GRIN2A: variants seen among roughly 807,000 people sequenced by gnomAD.
GRIN2A encodes the protein glutamate receptor ionotropic, NMDA 2A.
Under a neutral mutation model 113.4 loss-of-function variants are expected in GRIN2A, and 22 were observed. That is an observed-to-expected ratio of 0.19 (90% CI 0.14 to 0.28). The LOEUF (loss-of-function observed/expected upper bound fraction) is 0.28, where lower values mean the gene tolerates loss of function less well. GRIN2A is among the 10% of genes least tolerant of loss of function. GRIN2A has a pLI of 1.00. For missense variants in GRIN2A, 1,502 were observed against 1,887.0 expected (o/e 0.80, Z 3.78); for synonymous variants, 827 against 738.4 (o/e 1.12, Z -1.94).
At chr16:10,001,917 C>G (rs2141844563) in intron 2 of GRIN2A, among the ~76,000 whole-genome samples, 1 of 152,236 alleles carries the variant, frequency 6.6e-6, no homozygotes, top group Non-Finnish European at 1.5e-5. Context: ...ATTGATAAAC[C>G]AGGATAACAC....
intron 5 of GRIN2A, 97 bp from the exon 6 acceptor site, chr16:9,841,201 C>G: frequency 9.2e-7 from 1 of 1,090,758 alleles, no homozygotes; most frequent in Non-Finnish European, 1.4e-6. Context: ...GATGAGTAAA[C>G]TGAAGTTTAA....
At chr16:9,770,882 C>T (rs910680374) in intron 11 of GRIN2A, among the ~76,000 whole-genome samples, 9 of 152,152 alleles carry the variant, frequency 5.9e-5, no homozygotes, top group African/African-American at 1.9e-4. Context: ...TCGGTTTTCC[C>T]TGTTAACATC....
At chr16:10,104,610 G>A (rs565518163) in intron 2 of GRIN2A, among the ~76,000 whole-genome samples, 82 of 152,308 alleles carry the variant, frequency 5.4e-4, no homozygotes, top group South Asian at 2.3e-3. Context: ...TTCTCTATGT[G>A]TATTTTTATT....
chr16:9,861,804 C>A (rs945526126), intron 4 of GRIN2A, among the ~76,000 whole-genome samples: 1 of 152,224 alleles, frequency 6.6e-6, no homozygotes, highest in African/African-American at 2.4e-5. Flanking sequence ...CCTGCTCTGT[C>A]TTCACTGCCA....
Position 9,768,299 on chromosome 16 carries a change from G to A in GRIN2A, c.2595+552C>T, listed in dbSNP as rs530719502. On this transcript the variant is annotated intron_variant, in intron 12 of 12. Transcript: ENST00000330684. ...GATCTCCTGACCTCGTGATCCGCCCGCCTGGGCCTCCCAAAGTGCTGGGAT... is the reference window on the plus strand; with the variant it reads ...GATCTCCTGACCTCGTGATCCGCCCACCTGGGCCTCCCAAAGTGCTGGGAT... Among the ~76,000 whole-genome samples, 8 of 152,242 alleles carry A rather than the reference G, an allele frequency of 5.3e-5. No homozygotes were observed. In the East Asian group the frequency reaches 9.7e-4, roughly 18 times the overall value.
Position 9,763,419 on chromosome 16 carries a change from T to C in GRIN2A, c.4125A>G (p.Gln1375=), listed in dbSNP as rs1328526628. The change falls in exon 13 of 13, where the codon CAA becomes CAG. Residue 1375 remains glutamine (Q), a synonymous_variant. Transcript: ENST00000330684. The part of the protein sequence containing the change: ...NPFLHSHRDD[Q]RLVIGRCPSD... Reference sequence around the variant, plus strand: ...AGGGGCATCTCCCAATAACCAAGCGTTGGTCATCCCTGTGGGAGTGGAGGA... The same window carrying C: ...AGGGGCATCTCCCAATAACCAAGCGCTGGTCATCCCTGTGGGAGTGGAGGA... 1.9e-6 allele frequency: 3 copies of C among 1,614,090 alleles called. No individual in the cohort carries two copies. The highest frequency in any genetic ancestry group is 2.5e-6 in the Non-Finnish European group (3 of 1,180,006).
At chr16:9,913,639 G>C (rs374333391) in intron 3 of GRIN2A, among the ~76,000 whole-genome samples, 2 of 152,192 alleles carry the variant, frequency 1.3e-5, no homozygotes, top group South Asian at 2.1e-4. Flanking sequence ...TCAATTGAGA[G>C]AGTGTTTGCA....
intron 2 of GRIN2A, among the ~76,000 whole-genome samples, chr16:9,954,601 A>C (rs987750647): frequency 1.3e-5 from 2 of 152,132 alleles, no homozygotes; most frequent in Non-Finnish European, 2.9e-5. Context: ...AAGCTCACAC[A>C]AGATGGTGAT....
chr16:10,173,217 T>C lies in GRIN2A; in HGVS notation c.414+6781A>G, dbSNP rs369744607. Reference sequence around the variant, plus strand: ...ACTCTCCCAGGAACTACCTGATGCCTCTTTAGCAGGAGCTGAGTGGGCTCC... The same window carrying C: ...ACTCTCCCAGGAACTACCTGATGCCCCTTTAGCAGGAGCTGAGTGGGCTCC... On this transcript the variant is annotated intron_variant, in intron 2 of 12. Transcript: ENST00000330684. Among the ~76,000 whole-genome samples, 116 of 152,346 alleles carry C rather than the reference T, an allele frequency of 7.6e-4. 3 individuals are homozygous for C. The South Asian group carries it at 0.016, about 21-fold the overall frequency.
At position 9,757,520 on chromosome 16, in the gene GRIN2A, A is replaced by G. The variant is rs1900400579; in HGVS notation, c.*5629T>C. 2 of 229,052 alleles carry G rather than the reference A, an allele frequency of 8.7e-6. No individual in the cohort carries two copies. Among genetic ancestry groups the G allele is most frequent in the East Asian group, 1.2e-4 (2 of 16,142 alleles). The allele number at this position is 229,052 out of a possible 1,614,324, so 14.2% of individuals were successfully genotyped here. A position where few individuals can be genotyped will look rare whatever the true frequency, so the allele number is the denominator to read the frequency against. On this transcript the variant is annotated 3_prime_UTR_variant, in exon 13 of 13. Transcript: ENST00000330684. ...TATTAGAGAACTGAACTTCTAAACCATAAGCTACTTATGGGAAGAGACTAT... is the reference window on the plus strand; with the variant it reads ...TATTAGAGAACTGAACTTCTAAACCGTAAGCTACTTATGGGAAGAGACTAT...
In GRIN2A at chr16:10,148,384, A is replaced by AT. The variant is rs571909603; in HGVS notation, c.414+31613dup. ...AATCATATTTCCTTAAACTGACTCC[A>AT]TTTTAAATGAATTTTTTATTACGAA... On this transcript the variant is annotated intron_variant, in intron 2 of 12. Transcript: ENST00000330684. 5.4e-3 allele frequency among the ~76,000 whole-genome samples: 823 copies of AT among 152,322 alleles called. 5 individuals carry two copies. Among genetic ancestry groups the AT allele is most frequent in the African/African-American group, 0.019 (786 of 41,566 alleles).
At chr16:10,128,216 G>A (rs550718219) in intron 2 of GRIN2A, among the ~76,000 whole-genome samples, 2 of 152,248 alleles carry the variant, frequency 1.3e-5, no homozygotes, top group African/African-American at 2.4e-5. Context: ...CCCTCTTTTG[G>A]CTGATTTTAG....
intron 10 of GRIN2A, among the ~76,000 whole-genome samples, chr16:9,801,244 C>T (rs1567307424): frequency 1.3e-5 from 2 of 152,170 alleles, no homozygotes; most frequent in Non-Finnish European, 2.9e-5. Context: ...GAGATACTTG[C>T]AACGTCAATA....
chr16:10,165,310 G>A (rs1423852976), intron 2 of GRIN2A, among the ~76,000 whole-genome samples: 2 of 151,786 alleles, frequency 1.3e-5, no homozygotes, highest in Non-Finnish European at 2.9e-5. Flanking sequence ...ATAAGGTATA[G>A]GAAAACAGAC....
chr16:10,118,768 TA>T (rs1221955799), intron 2 of GRIN2A, among the ~76,000 whole-genome samples: 2 of 152,204 alleles, frequency 1.3e-5, no homozygotes, highest in Non-Finnish European at 2.9e-5. Context: ...ATCCTGATGG[TA>T]AATTTTCATA....
chr16:9,850,945 C>T (rs942321540), intron 4 of GRIN2A, among the ~76,000 whole-genome samples: 8 of 152,290 alleles, frequency 5.3e-5, no homozygotes, highest in South Asian at 2.1e-4. Flanking sequence ...TGCTCCCACA[C>T]GCCATTGCTT....
At chr16:9,903,242 A>T (rs1217860794) in intron 3 of GRIN2A, among the ~76,000 whole-genome samples, 2 of 152,082 alleles carry the variant, frequency 1.3e-5, no homozygotes, top group Non-Finnish European at 2.9e-5. Context: ...TGCTGGGATT[A>T]CAGGCGTGAG....
At chr16:9,857,758 G>A (rs1311476872) in intron 4 of GRIN2A, among the ~76,000 whole-genome samples, 1 of 152,178 alleles carries the variant, frequency 6.6e-6, no homozygotes, top group African/African-American at 2.4e-5. Flanking sequence ...GCTATGTATT[G>A]CTATTTTGTC....
rs1900387678 is a variant in GRIN2A, at chr16:9,757,325, T to G, written c.*5824A>C. 1.3e-5 allele frequency: 3 copies of G among 222,766 alleles called. 1 individual carries two copies. Among genetic ancestry groups the G allele is most frequent in the African/African-American group, 6.7e-5 (3 of 44,850 alleles). 13.8% of individuals were successfully genotyped at this position (222,766 alleles called of 1,614,324 possible). A position where few individuals can be genotyped will look rare whatever the true frequency, so the allele number is the denominator to read the frequency against. The stretch of plus-strand genomic sequence containing the variant: ...TGCATTTCCGGGACCACTAACTCTA[T>G]TCTCCGGAGTTACTTAAAGGTTTAG... On this transcript the variant is annotated 3_prime_UTR_variant, in exon 13 of 13. Coordinates refer to ENST00000330684, the MANE Select transcript of GRIN2A (RefSeq NM_001134407.3).
Sources: gnomAD v4.1 joint callset for allele counts (sites outside exome capture counted in the v4.1 genomes callset) on GRCh38, gnomAD v4.1.1 for gene constraint, MANE v1.5 for transcripts, NCBI Gene and HGNC (gene_info 2026-07-23, HGNC 2026-07-21) for gene names.